The following JAM2 variants were observed in gnomAD, a reference collection of about 807,000 sequenced individuals.
JAM2 encodes the protein junctional adhesion molecule 2.
Under a neutral mutation model 42.0 loss-of-function variants are expected in JAM2, and 17 were observed. The ratio of observed to expected loss-of-function variants is 0.40; its 90% CI spans 0.28 to 0.61. The LOEUF (loss-of-function observed/expected upper bound fraction) is 0.61, where lower values mean the gene tolerates loss of function less well. JAM2 is among the 20% of genes least tolerant of loss of function. The pLI, the probability that JAM2 is intolerant of heterozygous loss-of-function variation, is 0.37. For missense variants in JAM2, 319 were observed against 358.3 expected (o/e 0.89, Z 0.89); for synonymous variants, 118 against 128.6 (o/e 0.92, Z 0.56).
At chr21:25,689,342 G>A (rs894604546) in intron 2 of JAM2, among the ~76,000 whole-genome samples, 2 of 152,178 alleles carry the variant, frequency 1.3e-5, no homozygotes, top group Admixed American at 6.5e-5. Context: ...AAACTTTTCT[G>A]AGTTTCCCAG....
chr21:25,693,064 A>C (rs2033917341), intron 3 of JAM2, among the ~76,000 whole-genome samples: 1 of 152,178 alleles, frequency 6.6e-6, no homozygotes, highest in Admixed American at 6.5e-5. Flanking sequence ...GCATATGGAC[A>C]AAAACATTAA....
At chr21:25,688,303 C>T (rs1282556859) in intron 2 of JAM2, among the ~76,000 whole-genome samples, 1 of 142,984 alleles carries the variant, frequency 7.0e-6, no homozygotes, top group East Asian at 2.0e-4. Context: ...CACGCACGCA[C>T]ACACACATGC....
chr21:25,698,882 A>G lies in JAM2; in HGVS notation c.597+3A>G. On this transcript the variant is annotated splice_donor_region_variant and intron_variant, in intron 5 of 9. Transcript: ENST00000480456. ...TGAATACAAAAACTGGAACTCTGGT[A>G]AGGTCATTTCAAGATTTGACTTGAT... 4 of 1,612,684 alleles carry G rather than the reference A, an allele frequency of 2.5e-6. No homozygotes were observed. The highest frequency in any genetic ancestry group is 3.4e-6 in the Non-Finnish European group (4 of 1,178,796).
At chr21:25,704,713 G>A (rs1486321817) in intron 6 of JAM2, among the ~76,000 whole-genome samples, 3 of 152,160 alleles carry the variant, frequency 2.0e-5, no homozygotes, top group Non-Finnish European at 4.4e-5. Context: ...ACAAGATGGA[G>A]AAATATGGTC....
intron 1 of JAM2, among the ~76,000 whole-genome samples, chr21:25,656,064 G>A (rs79397255): frequency 0.055 from 8,376 of 151,734 alleles, 248 homozygotes; most frequent in Middle Eastern, 0.092. Flanking sequence ...ATGATGTAGC[G>A]TGGACCTTTC....
intron 1 of JAM2, among the ~76,000 whole-genome samples, chr21:25,672,091 A>G (rs1041072184): frequency 6.6e-6 from 1 of 152,050 alleles, no homozygotes; most frequent in Non-Finnish European, 1.5e-5. Context: ...TACATTGTTT[A>G]AGCAGCTATT....
chr21:25,674,367 C>T (rs2033434082), intron 1 of JAM2, among the ~76,000 whole-genome samples: 1 of 151,942 alleles, frequency 6.6e-6, no homozygotes, highest in African/African-American at 2.4e-5. Flanking sequence ...TACACTCTAC[C>T]CTCGGTGACA....
chr21:25,696,899 T>G (rs923829493), intron 4 of JAM2, among the ~76,000 whole-genome samples: 1 of 152,140 alleles, frequency 6.6e-6, no homozygotes, highest in African/African-American at 2.4e-5. Flanking sequence ...TGAGACAAAA[T>G]TTTGCTCTGT....
chr21:25,657,937 T>A (rs1210858828), intron 1 of JAM2, among the ~76,000 whole-genome samples: 1 of 152,218 alleles, frequency 6.6e-6, no homozygotes, highest in Non-Finnish European at 1.5e-5. Flanking sequence ...TGCTGGATAT[T>A]CATAAAGTTG....
chr21:25,668,167 G>T (rs1352085945), intron 1 of JAM2, among the ~76,000 whole-genome samples: 1 of 152,202 alleles, frequency 6.6e-6, no homozygotes, highest in Non-Finnish European at 1.5e-5. Flanking sequence ...TCAAGAAAAG[G>T]AGGTTCGAAA....
intron 1 of JAM2, among the ~76,000 whole-genome samples, chr21:25,675,982 A>C (rs1361081382): frequency 6.6e-6 from 1 of 152,156 alleles, no homozygotes; most frequent in African/African-American, 2.4e-5. Context: ...GATACTATAC[A>C]TTTAAAACAA....
At chr21:25,651,827 A>G (rs2032791011) in intron 1 of JAM2, among the ~76,000 whole-genome samples, 1 of 152,236 alleles carries the variant, frequency 6.6e-6, no homozygotes, top group Non-Finnish European at 1.5e-5. Flanking sequence ...CTGTACTGTC[A>G]TCTCCAAAAT....
intron 1 of JAM2, among the ~76,000 whole-genome samples, chr21:25,676,211 C>G (rs932350251): frequency 2.0e-5 from 3 of 149,554 alleles, no homozygotes; most frequent in African/African-American, 7.4e-5. Context: ...TCACTTGAAC[C>G]CAGGAGGTAG....
At chr21:25,683,248 T>C (rs2033678218) in intron 1 of JAM2, among the ~76,000 whole-genome samples, 1 of 152,186 alleles carries the variant, frequency 6.6e-6, no homozygotes, top group Non-Finnish European at 1.5e-5. Flanking sequence ...AGCAGCGTCA[T>C]GTAACTATTA....
intron 4 of JAM2, among the ~76,000 whole-genome samples, chr21:25,695,623 G>C (rs1213988702): frequency 6.6e-6 from 1 of 150,576 alleles, no homozygotes; most frequent in Non-Finnish European, 1.5e-5. Context: ...CCTCCCTCCC[G>C]GATGGGGCGG....
At chr21:25,685,824 A>G (rs2033740253) in intron 2 of JAM2, among the ~76,000 whole-genome samples, 1 of 152,172 alleles carries the variant, frequency 6.6e-6, no homozygotes, top group Admixed American at 6.5e-5. Context: ...CGAGAGGGGT[A>G]AATGGACCAG....
intron 4 of JAM2, among the ~76,000 whole-genome samples, chr21:25,694,338 A>T (rs1010444069): frequency 1.3e-5 from 2 of 152,230 alleles, no homozygotes; most frequent in Admixed American, 6.5e-5. Context: ...AAATAAAGGA[A>T]ATTGACATTG....
At chr21:25,640,173 A>C (rs9982033) in intron 1 of JAM2, among the ~76,000 whole-genome samples, 2,839 of 152,320 alleles carry the variant, frequency 0.019, 78 homozygotes, top group African/African-American at 0.064. Context: ...ATCTGTTTGC[A>C]AAGTTGGGGT....
chr21:25,688,106 T>C (rs1371458528), intron 2 of JAM2, among the ~76,000 whole-genome samples: 2 of 152,246 alleles, frequency 1.3e-5, no homozygotes, highest in Non-Finnish European at 2.9e-5. Context: ...CTCGACATTT[T>C]ACATGGCCAG....
Sources: allele counts gnomAD v4.1 joint callset (sites outside exome capture counted in the v4.1 genomes callset), GRCh38; gene constraint gnomAD v4.1.1; transcripts MANE v1.5; gene names NCBI Gene and HGNC (gene_info 2026-07-23, HGNC 2026-07-21).